Variants in GRIK1 observed in about 807,000 individuals in gnomAD.
GRIK1 encodes glutamate receptor ionotropic, kainate 1.
GRIK1 carries 69 observed loss-of-function variants against 105.7 expected under a neutral mutation model. The observed-to-expected ratio is 0.65, with a 90% confidence interval of 0.54 to 0.80. The LOEUF is 0.80. Among genes scored for constraint, GRIK1 ranks in the 30% least tolerant of loss-of-function variants. The pLI is 0.00. For synonymous variants in GRIK1, 438 were observed against 431.3 expected, an observed-to-expected ratio of 1.02 and a Z score of -0.19; for missense variants, 1,109 against 1,167.3, an observed-to-expected ratio of 0.95 and a Z score of 0.73.
intron 1 of GRIK1, among the ~76,000 whole-genome samples, chr21:29,812,240 G>T (rs1345738520): frequency 1.3e-5 from 2 of 152,120 alleles, no homozygotes; most frequent in South Asian, 2.1e-4. Flanking sequence ...GCACATAATA[G>T]AGTTCTTCAT....
chr21:29,662,063 A>G (rs1283852268), intron 4 of GRIK1, among the ~76,000 whole-genome samples: 1 of 152,352 alleles, frequency 6.6e-6, no homozygotes, highest in East Asian at 1.9e-4. Context: ...TAACTGTACT[A>G]TTTGGAAGTT....
intron 1 of GRIK1, among the ~76,000 whole-genome samples, chr21:29,729,202 G>A (rs781106830): frequency 2.0e-5 from 3 of 152,122 alleles, no homozygotes; most frequent in Admixed American, 1.3e-4. Context: ...TCTGGCCATC[G>A]AGTCTAGAGG....
chr21:29,604,129 G>T (rs117309036), intron 7 of GRIK1, among the ~76,000 whole-genome samples: 1 of 152,122 alleles, frequency 6.6e-6, no homozygotes, highest in South Asian at 2.1e-4. Context: ...TATTGTGTCC[G>T]TTTGTTTGGA....
chr21:29,914,431 C>T (rs1251882673), intron 1 of GRIK1, among the ~76,000 whole-genome samples: 1 of 151,984 alleles, frequency 6.6e-6, no homozygotes. Context: ...TCCTTCCTGC[C>T]CCTATGGGGC....
chr21:29,916,240 T>C (rs1029949798), intron 1 of GRIK1, among the ~76,000 whole-genome samples: 2 of 151,934 alleles, frequency 1.3e-5, no homozygotes, highest in African/African-American at 4.8e-5. Flanking sequence ...TTAATATCCA[T>C]ATTATAATGT....
chr21:29,672,848 G>A, intron 4 of GRIK1, 135 bp downstream of exon 4: 1 of 684,798 alleles, frequency 1.5e-6, no homozygotes, highest in South Asian at 1.9e-5. Flanking sequence ...AAAGGGCTCT[G>A]AAAATTATAA....
intron 7 of GRIK1, among the ~76,000 whole-genome samples, chr21:29,603,216 TAC>T (rs2061551050): frequency 1.3e-5 from 2 of 152,112 alleles, no homozygotes; most frequent in African/African-American, 4.8e-5. Context: ...AAGGATACTT[TAC>T]CACTGATAGT....
intron 1 of GRIK1, among the ~76,000 whole-genome samples, chr21:29,886,933 T>C (rs1367295693): frequency 6.6e-6 from 1 of 152,132 alleles, no homozygotes; most frequent in Non-Finnish European, 1.5e-5. Context: ...AGAAAAAACA[T>C]CAGTGAAAGT....
In GRIK1 at chr21:29,642,844, A is replaced by G. The variant is rs769018433; in HGVS notation, c.1080T>C (p.Phe360=). 4.3e-5 allele frequency: 69 copies of G among 1,614,012 alleles called. No homozygotes were observed. The highest frequency in any genetic ancestry group is 5.8e-5 in the Non-Finnish European group (69 of 1,179,984). Residue 360 remains phenylalanine (F), a synonymous_variant, in exon 7 of 18, where the codon TTT becomes TTC. Coordinates refer to ENST00000327783, the MANE Select transcript of GRIK1 (RefSeq NM_001330994.2). ...CACTTGCCTCTTTGATCAGGTTCATAAATCTGGGTCCGAGGCGCCATGGCT... is the reference window on the plus strand; with the variant it reads ...CACTTGCCTCTTTGATCAGGTTCATGAATCTGGGTCCGAGGCGCCATGGCT... ...RHKPWRLGPR[F]MNLIKEARWD... is the part of the protein sequence containing the mutation.
Position 29,577,088 on chromosome 21 carries a change from T to C in GRIK1, c.2006A>G (p.Asn669Ser), listed in dbSNP as rs2090914394. ...TLIIISSYTA[N>S]LAAFLTVERM... ...CTCTACTGTCAAGAAGGCAGCCAGATTGGCCGTGTAGGATGAAATGATGAT... is the reference window on the plus strand; with the variant it reads ...CTCTACTGTCAAGAAGGCAGCCAGACTGGCCGTGTAGGATGAAATGATGAT... The change falls in exon 14 of 18, where the codon AAT becomes AGT. Residue 669 changes from asparagine (N) to serine (S), a missense_variant. Physicochemically the swap from Asn to Ser is conservative, Grantham distance 46. This residue lies in a region of GRIK1 where 264 missense variants were observed against 306.9 expected (regional missense o/e 0.86). Transcript: ENST00000327783. The C allele has an allele frequency of 6.2e-7, 1 of 1,612,176 alleles. No individual in the cohort carries two copies. Among genetic ancestry groups the C allele is most frequent in the Non-Finnish European group, 8.5e-7 (1 of 1,178,382 alleles).
intron 1 of GRIK1, among the ~76,000 whole-genome samples, chr21:29,898,274 C>T (rs994238070): frequency 3.3e-5 from 5 of 152,180 alleles, no homozygotes; most frequent in Admixed American, 2.0e-4. Context: ...TATTGTGGTG[C>T]AATTCACTCA....
chr21:29,554,869 A>T (rs2090208156), intron 16 of GRIK1, among the ~76,000 whole-genome samples, 183 bp downstream of exon 16: 1 of 152,150 alleles, frequency 6.6e-6, no homozygotes, highest in Non-Finnish European at 1.5e-5. Context: ...TTAATAAATG[A>T]TGGACCTGCA....
chr21:29,832,541 CA>C (rs981129375), intron 1 of GRIK1, among the ~76,000 whole-genome samples: 6 of 152,172 alleles, frequency 3.9e-5, no homozygotes, highest in Non-Finnish European at 7.3e-5. Flanking sequence ...GGCTTAACAG[CA>C]CATGGAAGCC....
chr21:29,819,064 G>A (rs907689375), intron 1 of GRIK1, among the ~76,000 whole-genome samples: 1 of 151,990 alleles, frequency 6.6e-6, no homozygotes, highest in Non-Finnish European at 1.5e-5. Context: ...AGTAATTTAG[G>A]CCTCATGTAT....
intron 1 of GRIK1, among the ~76,000 whole-genome samples, chr21:29,756,771 T>A (rs2065354196): frequency 2.0e-5 from 3 of 151,764 alleles, no homozygotes; most frequent in Admixed American, 6.6e-5. Context: ...ATAAAAAAAA[T>A]AAACTAGAAA....
At chr21:29,663,863 C>T (rs762974735) in intron 4 of GRIK1, among the ~76,000 whole-genome samples, 9 of 151,906 alleles carry the variant, frequency 5.9e-5, no homozygotes, top group Non-Finnish European at 1.3e-4. Context: ...TTAGACTATG[C>T]AGAGGATGGT....
At chr21:29,786,946 A>C (rs2066276567) in intron 1 of GRIK1, among the ~76,000 whole-genome samples, 1 of 152,238 alleles carries the variant, frequency 6.6e-6, no homozygotes, top group African/African-American at 2.4e-5. Flanking sequence ...ACTAAGGGTC[A>C]CTAAACCCTT....
intron 1 of GRIK1, among the ~76,000 whole-genome samples, chr21:29,847,371 GGATCACTAAGTCAGGAGTTC>G (rs1265714121): frequency 6.6e-6 from 1 of 152,198 alleles, no homozygotes; most frequent in Admixed American, 6.5e-5. Context: ...CCAGGCGGGT[GGATCACTAAGTCAGGAGTTC>G]GAGACCATCC....
At chr21:29,937,797 A>ATT (rs11410205) in intron 1 of GRIK1, among the ~76,000 whole-genome samples, 93,317 of 149,266 alleles carry the variant, frequency 0.63, 29,702 homozygotes, top group East Asian at 0.79. Flanking sequence ...TGTTCAGAAT[A>ATT]TTTTTTTTTT....
Sources: allele counts gnomAD v4.1 joint callset (sites outside exome capture counted in the v4.1 genomes callset), GRCh38; gene constraint gnomAD v4.1.1; regional missense constraint gnomAD v4.1.1; transcripts MANE v1.5; gene names NCBI Gene and HGNC (gene_info 2026-07-23, HGNC 2026-07-21).